SLAMF9: variants seen among roughly 807,000 people sequenced by gnomAD.
SLAMF9 encodes SLAM family member 9, also known as CD2 family member 10.
Under a neutral mutation model 30.4 loss-of-function variants are expected in SLAMF9, and 25 were observed. The observed-to-expected ratio is 0.82, with a 90% CI of 0.60 to 1.15. The LOEUF (loss-of-function observed/expected upper bound fraction) is 1.15. SLAMF9 is among the 50% of genes most tolerant of loss of function. The pLI, the probability that SLAMF9 is intolerant of heterozygous loss-of-function variation, is 0.00. For synonymous variants in SLAMF9, 129 were observed against 127.2 expected, an observed-to-expected ratio of 1.01 and a Z score of -0.09; for missense variants, 344 against 346.1, an observed-to-expected ratio of 0.99 and a Z score of 0.05.
the SLAMF9 span, chr1:159,972,844 G>C: frequency 2.1e-6 from 2 of 943,134 alleles, no homozygotes; most frequent in Admixed American, 6.3e-5. Context: ...ACAGGAGCTG[G>C]GACACACATG....
the SLAMF9 span, chr1:159,983,571 C>A: frequency 6.6e-6 from 1 of 152,154 alleles, no homozygotes; most frequent in Non-Finnish European, 1.5e-5. Flanking sequence ...TTACTTGCAA[C>A]TAAGAAGTTT....
At chr1:159,977,093 C>A in the SLAMF9 span, 5 of 152,150 alleles carry the variant, frequency 3.3e-5, no homozygotes, top group African/African-American at 9.7e-5. Context: ...AATCTCACCA[C>A]AGCCTGGCTC....
chr1:159,952,708 C>T (rs1181190214), intron 2 of SLAMF9, among the ~76,000 whole-genome samples, 174 bp from the exon 3 acceptor site: 1 of 152,186 alleles, frequency 6.6e-6, no homozygotes, highest in Non-Finnish European at 1.5e-5. Context: ...TTCAAGGTCC[C>T]CAAGGCAACT....
chr1:159,968,995 T>C, the SLAMF9 span, among the ~76,000 whole-genome samples: 1 of 151,926 alleles, frequency 6.6e-6, no homozygotes, highest in Non-Finnish European at 1.5e-5. Flanking sequence ...TGAGCTGAGA[T>C]TGTGCCACTG....
upstream of SLAMF9, among the ~76,000 whole-genome samples, chr1:159,955,979 G>A (rs905784129): frequency 1.3e-5 from 2 of 152,186 alleles, no homozygotes; most frequent in Non-Finnish European, 2.9e-5. Context: ...AATAAAATTA[G>A]ATCCAGCAAT....
chr1:159,963,353 G>A, the SLAMF9 span, among the ~76,000 whole-genome samples: 1 of 152,138 alleles, frequency 6.6e-6, no homozygotes, highest in African/African-American at 2.4e-5. Flanking sequence ...CACGAGAATA[G>A]GTTTATTCAA....
the SLAMF9 span, chr1:159,961,334 T>C: frequency 6.6e-6 from 1 of 152,184 alleles, no homozygotes. Flanking sequence ...ACTTTCTCCT[T>C]AGCTTCCCTT....
At chr1:159,967,872 A>G in the SLAMF9 span, among the ~76,000 whole-genome samples, 1 of 151,988 alleles carries the variant, frequency 6.6e-6, no homozygotes, top group Admixed American at 6.6e-5. Context: ...TGCTATTGTA[A>G]ATGGGATCGT....
the SLAMF9 span, among the ~76,000 whole-genome samples, chr1:159,959,408 G>A: frequency 5.3e-5 from 8 of 152,020 alleles, no homozygotes; most frequent in Admixed American, 3.3e-4. Context: ...CCAGAGGCCT[G>A]TCCAAATGCC....
chr1:159,975,271 A>G, the SLAMF9 span, among the ~76,000 whole-genome samples: 4 of 152,216 alleles, frequency 2.6e-5, no homozygotes, highest in Non-Finnish European at 4.4e-5. Flanking sequence ...AAAAGAGATA[A>G]AGTGTGACAG....
the SLAMF9 span, chr1:159,974,174 G>A: frequency 1.3e-6 from 1 of 761,306 alleles, no homozygotes; most frequent in South Asian, 1.7e-5. Flanking sequence ...CCCTTGGATG[G>A]TACCGGTGCA....
chr1:159,952,616 T>C, intron 2 of SLAMF9, 82 bp from the exon 3 acceptor site: 1 of 1,430,282 alleles, frequency 7.0e-7, no homozygotes, highest in South Asian at 1.2e-5. Context: ...CCTGGGGTAC[T>C]AATGCTACCC....
upstream of SLAMF9, among the ~76,000 whole-genome samples, chr1:159,957,038 C>T (rs1403141729): frequency 1.5e-5 from 2 of 135,678 alleles, no homozygotes; most frequent in Admixed American, 8.8e-5. Context: ...AGGAGAATGG[C>T]GTGAATCCGG....
the SLAMF9 span, among the ~76,000 whole-genome samples, chr1:159,961,924 G>A: frequency 3.8e-4 from 58 of 151,584 alleles, no homozygotes; most frequent in Admixed American, 2.7e-3. Flanking sequence ...TTTGGGAGGC[G>A]GAGGCGGGCG....
chr1:159,954,213 G>T lies in SLAMF9; in HGVS notation c.-76C>A, dbSNP rs1048428111. The T allele has an allele frequency of 6.5e-7, 1 of 1,548,592 alleles. No individual in the cohort carries two copies. Reference sequence around the variant, plus strand: ...ACTGTGCAGAAGACTGCATTAGGAGGCTCCTAGACACAAAGAGCCTGACTG... The same window carrying T: ...ACTGTGCAGAAGACTGCATTAGGAGTCTCCTAGACACAAAGAGCCTGACTG... On this transcript the variant is annotated 5_prime_UTR_variant, in exon 1 of 4. Transcript: ENST00000368093.
In SLAMF9 at chr1:159,953,306, C is replaced by G. The variant is rs1557942947; in HGVS notation, c.391+3G>C. ...AGCTTTATGGTTCCCAGCCTAAACTCACGGTAGACACATATATTGTACTGC... is the reference window on the plus strand; with the variant it reads ...AGCTTTATGGTTCCCAGCCTAAACTGACGGTAGACACATATATTGTACTGC... On this transcript the variant is annotated splice_donor_region_variant and intron_variant, in intron 2 of 3. Transcript: ENST00000368093. The G allele has an allele frequency of 1.3e-6, 2 of 1,592,862 alleles. No homozygotes were observed. The highest frequency in any genetic ancestry group is 2.2e-5 in the South Asian group (2 of 90,058).
chr1:159,952,142 C>T (rs1651766989), intron 3 of SLAMF9, 120 bp downstream of exon 3: 6 of 1,202,908 alleles, frequency 5.0e-6, no homozygotes, highest in Non-Finnish European at 7.1e-6. Flanking sequence ...GTCAAGCCTC[C>T]ATGGGAGGGG....
chr1:159,964,291 T>C, the SLAMF9 span, among the ~76,000 whole-genome samples: 86 of 152,138 alleles, frequency 5.7e-4, no homozygotes, highest in Non-Finnish European at 9.7e-4. Context: ...TCACAAAGGG[T>C]TTCTTTCCCC....
the SLAMF9 span, among the ~76,000 whole-genome samples, chr1:159,969,405 C>A: frequency 1.3e-5 from 2 of 152,178 alleles, no homozygotes; most frequent in East Asian, 1.9e-4. Context: ...ATCCATGCAA[C>A]CTTTCCTCAA....
Sources: allele counts gnomAD v4.1 joint callset (sites outside exome capture counted in the v4.1 genomes callset), GRCh38; gene constraint gnomAD v4.1.1; transcripts MANE v1.5; gene names NCBI Gene and HGNC (gene_info 2026-07-23, HGNC 2026-07-21).